DOCK9: variants seen among roughly 807,000 people sequenced by gnomAD.
The protein encoded by DOCK9 is dedicator of cytokinesis protein 9.
Under a neutral mutation model 263.3 loss-of-function variants are expected in DOCK9, and 89 were observed. That is an observed-to-expected ratio of 0.34 (90% CI 0.28 to 0.40). DOCK9 has a LOEUF of 0.40. Ranked by LOEUF, DOCK9 falls within the 10% of genes least tolerant of loss-of-function variation. The pLI is 1.00. For missense variants in DOCK9, 2,140 were observed against 2,603.4 expected (o/e 0.82, Z 3.87); for synonymous variants, 976 against 973.1 (o/e 1.00, Z -0.06).
intron 27 of DOCK9, among the ~76,000 whole-genome samples, chr13:98,872,480 C>T (rs2094213262): frequency 6.6e-6 from 1 of 151,990 alleles, no homozygotes; most frequent in African/African-American, 2.4e-5. Flanking sequence ...AATCACAGCT[C>T]ACTGTAGCCT....
intron 2 of DOCK9, among the ~76,000 whole-genome samples, chr13:98,934,200 A>G (rs2054446728): frequency 6.6e-6 from 1 of 152,286 alleles, no homozygotes; most frequent in African/African-American, 2.4e-5. Flanking sequence ...CCATTGCACC[A>G]GGCCCAAATC....
At chr13:98,852,593 A>G (rs1019132889) in intron 35 of DOCK9, among the ~76,000 whole-genome samples, 6 of 152,224 alleles carry the variant, frequency 3.9e-5, no homozygotes, top group African/African-American at 1.4e-4. Context: ...TTCTCAAAAA[A>G]TGGCACTTTG....
intron 45 of DOCK9, among the ~76,000 whole-genome samples, chr13:98,820,487 T>G (rs1171037201): frequency 6.6e-6 from 1 of 152,130 alleles, no homozygotes; most frequent in African/African-American, 2.4e-5. Context: ...AAGTCCACAG[T>G]GCAAAGTAAA....
chr13:99,006,886 G>C (rs1278241689), intron 1 of DOCK9, among the ~76,000 whole-genome samples: 1 of 151,730 alleles, frequency 6.6e-6, no homozygotes, highest in Non-Finnish European at 1.5e-5. Flanking sequence ...GAGTTCAGGA[G>C]TTCCAGACCA....
At chr13:99,069,663 G>A (rs2041583950) in intron 1 of DOCK9, among the ~76,000 whole-genome samples, 1 of 152,150 alleles carries the variant, frequency 6.6e-6, no homozygotes, top group Non-Finnish European at 1.5e-5. Flanking sequence ...TAGGAAGCTG[G>A]ACCAGATGAC....
rs1303932449 is a variant in DOCK9 at position 98,888,509 on chromosome 13, C to T, written c.1828G>A (p.Glu610Lys). The T allele has an allele frequency of 6.2e-7, 1 of 1,613,834 alleles. No homozygotes were observed. Among genetic ancestry groups the T allele is most frequent in the Non-Finnish European group, 8.5e-7 (1 of 1,179,876 alleles). The change falls in exon 17 of 53, where the codon GAA (glutamate) becomes AAA (lysine). Residue 610 changes from glutamate (E) to lysine (K), a missense_variant. Glu to Lys is a moderately conservative substitution (Grantham distance 56). Around this residue, in one of 2 missense-constraint regions of DOCK9, gnomAD observed 1,521 missense variants for 1,741.7 expected, o/e 0.87. Transcript: ENST00000682017. ...NSSYIPTKQF[E>K]TCSKTPITFE... is the part of the protein sequence containing the mutation. ...GTGATGGGAGTTTTACTGCAGGTTTCAAATTGTTTTGTGGGAATGTATGAT... is the reference window on the plus strand; with the variant it reads ...GTGATGGGAGTTTTACTGCAGGTTTTAAATTGTTTTGTGGGAATGTATGAT...
At chr13:99,058,592 C>T (rs1433034214) in intron 1 of DOCK9, among the ~76,000 whole-genome samples, 3 of 152,184 alleles carry the variant, frequency 2.0e-5, no homozygotes, top group Non-Finnish European at 4.4e-5. Flanking sequence ...TTCCCTCATC[C>T]TGCTCTATGT....
chr13:98,796,245 C>CA (rs2089387669), intron 52 of DOCK9: 1 of 1,574,018 alleles, frequency 6.4e-7, no homozygotes, highest in Admixed American at 1.8e-5. Flanking sequence ...AGAAAAAAAG[C>CA]AAGTGAGTTA....
At chr13:98,882,757 G>A (rs540286829) in intron 23 of DOCK9, among the ~76,000 whole-genome samples, 1 of 152,180 alleles carries the variant, frequency 6.6e-6, no homozygotes, top group Non-Finnish European at 1.5e-5. Flanking sequence ...CACTGTGCTC[G>A]GTACCCAGGG....
At chr13:98,814,946 A>G (rs1193956678) in intron 45 of DOCK9, among the ~76,000 whole-genome samples, 1,220 of 13,428 alleles carry the variant, frequency 0.091, 22 homozygotes, top group Non-Finnish European at 0.21. Flanking sequence ...AAAATAAAAT[A>G]AAATAAAATA....
chr13:98,806,647 G>A (rs1168750775), intron 48 of DOCK9, among the ~76,000 whole-genome samples: 2 of 152,244 alleles, frequency 1.3e-5, no homozygotes, highest in East Asian at 3.9e-4. Flanking sequence ...GGTGGCTCAC[G>A]CCTATAATCC....
intron 45 of DOCK9, among the ~76,000 whole-genome samples, chr13:98,823,470 G>A (rs778176092): frequency 2.0e-5 from 3 of 152,218 alleles, no homozygotes; most frequent in Non-Finnish European, 4.4e-5. Context: ...TGTGGCCCTG[G>A]AAATCAGGAT....
intron 32 of DOCK9, among the ~76,000 whole-genome samples, chr13:98,861,190 TAGAG>T (rs997344255): frequency 1.4e-4 from 22 of 152,230 alleles, no homozygotes; most frequent in African/African-American, 5.3e-4. Context: ...GCACTTAGGA[TAGAG>T]AGAGTTCATG....
intron 1 of DOCK9, among the ~76,000 whole-genome samples, chr13:99,064,252 G>A (rs1233335036): frequency 2.6e-5 from 4 of 152,186 alleles, no homozygotes; most frequent in African/African-American, 9.7e-5. Context: ...AGCTGAAAGA[G>A]AAAATAATGA....
intron 1 of DOCK9, among the ~76,000 whole-genome samples, chr13:99,048,811 C>A (rs1185599281): frequency 2.0e-5 from 3 of 152,168 alleles, no homozygotes; most frequent in Admixed American, 6.5e-5. Flanking sequence ...GACCACTGCT[C>A]GGGACTTCCC....
chr13:98,898,881 G>A (rs1051006062), intron 13 of DOCK9, among the ~76,000 whole-genome samples: 2 of 152,102 alleles, frequency 1.3e-5, no homozygotes, highest in Non-Finnish European at 2.9e-5. Flanking sequence ...GTACAATGAA[G>A]CTTATTTGCT....
chr13:98,850,136 G>C, intron 35 of DOCK9, 23 bp from the exon 36 acceptor site: 2 of 1,406,930 alleles, frequency 1.4e-6, no homozygotes, highest in Non-Finnish European at 1.9e-6. Context: ...CATTTACTTA[G>C]AATCACAATA....
intron 1 of DOCK9, among the ~76,000 whole-genome samples, chr13:99,067,432 G>T (rs921938942): frequency 1.4e-4 from 22 of 152,226 alleles, no homozygotes; most frequent in African/African-American, 5.3e-4. Flanking sequence ...TCCAGGGAAA[G>T]ATGCCCTGGC....
chr13:99,027,933 AC>A (rs1209260609), intron 1 of DOCK9, among the ~76,000 whole-genome samples: 1 of 152,226 alleles, frequency 6.6e-6, no homozygotes, highest in Non-Finnish European at 1.5e-5. Context: ...ACTGAAGACA[AC>A]AGTTGTAAGG....
Sources: allele counts gnomAD v4.1 joint callset (sites outside exome capture counted in the v4.1 genomes callset), GRCh38; gene constraint gnomAD v4.1.1; regional missense constraint gnomAD v4.1.1; transcripts MANE v1.5; gene names NCBI Gene and HGNC (gene_info 2026-07-23, HGNC 2026-07-21).